NFATC3: variants seen among roughly 807,000 people sequenced by gnomAD.
NFATC3 encodes the protein nuclear factor of activated T-cells, cytoplasmic 3.
NFATC3 carries 46 observed loss-of-function variants against 98.6 expected under a neutral mutation model. That is an observed-to-expected ratio of 0.47 (90% CI 0.37 to 0.60). NFATC3 has a LOEUF of 0.60. Ranked by LOEUF, NFATC3 falls within the 20% of genes least tolerant of loss-of-function variation. The probability of loss-of-function intolerance (pLI) is 0.00; values close to 1 mark genes in which losing one functional copy is unlikely to be tolerated. For missense variants in NFATC3, 1,256 were observed against 1,295.5 expected (o/e 0.97, Z 0.47); for synonymous variants, 512 against 472.2 (o/e 1.08, Z -1.09).
At chr16:68,191,980 G>A (rs920253053) in intron 9 of NFATC3, 12 of 545,156 alleles carry the variant, frequency 2.2e-5, no homozygotes, top group African/African-American at 9.5e-5. Context: ...AGGCTGAGGC[G>A]GGTGGATCAC....
intron 3 of NFATC3, chr16:68,138,606 C>G: frequency 7.8e-7 from 1 of 1,289,194 alleles, no homozygotes; most frequent in South Asian, 1.2e-5. Flanking sequence ...ACTCAAGATA[C>G]TTAACTACAT....
chr16:68,188,353 G>C (rs2040300933), intron 8 of NFATC3, among the ~76,000 whole-genome samples: 1 of 152,166 alleles, frequency 6.6e-6, no homozygotes, highest in South Asian at 2.1e-4. Flanking sequence ...CCCCCGCCAA[G>C]AGCGCAGGGA....
intron 4 of NFATC3, among the ~76,000 whole-genome samples, chr16:68,159,695 T>C (rs2038799703): frequency 6.6e-6 from 1 of 151,064 alleles, no homozygotes; most frequent in African/African-American, 2.4e-5. Context: ...AGTGCTGGGA[T>C]TACAGGCGTG....
rs772270738 is a variant in NFATC3 at position 68,221,274 on chromosome 16, G to A, written c.3107-5076G>A. The A allele has an allele frequency of 3.1e-6, 5 of 1,613,930 alleles. No homozygotes were observed. In the Admixed American group the frequency reaches 6.7e-5, roughly 22 times the overall value. ...CCAGTCCCAGCAGGAAGATATCTGA[G>A]GAATCTAGAGGTGAGAGCCTGAACC... On this transcript the variant is annotated intron_variant, in intron 9 of 9. Transcript: ENST00000346183.
intron 9 of NFATC3, chr16:68,201,118 G>C: frequency 6.6e-6 from 1 of 152,202 alleles, no homozygotes; most frequent in Non-Finnish European, 1.5e-5. Flanking sequence ...TTTTAGTAGA[G>C]ACAGGGTTTA....
chr16:68,205,458 TC>T (rs1156303738), intron 9 of NFATC3, among the ~76,000 whole-genome samples: 1 of 152,070 alleles, frequency 6.6e-6, no homozygotes, highest in Non-Finnish European at 1.5e-5. Context: ...ACTACGTTGC[TC>T]AGGTTGGTCT....
intron 3 of NFATC3, chr16:68,138,857 G>A (rs1252841049): frequency 1.8e-6 from 2 of 1,092,704 alleles, no homozygotes; most frequent in African/African-American, 1.7e-5. Flanking sequence ...TCACTAATAC[G>A]GGCTCTAGAG....
chr16:68,226,916 AAAAAAAAGAAAAAAAAAGAAAAG>A lies in NFATC3; in HGVS notation c.*459_*481del, dbSNP rs2042049697. On this transcript the variant is annotated 3_prime_UTR_variant, in exon 10 of 10. Coordinates refer to ENST00000346183, the MANE Select transcript of NFATC3 (RefSeq NM_173165.3). The stretch of plus-strand genomic sequence containing the variant: ...TAGAAGCAAAAAAAAAAAAAAAAAA[AAAAAAAAGAAAAAAAAAGAAAAG>A]AAAAAAAGAAAAAGAAAAAAATATC... 8.5e-6 allele frequency: 1 copy of A among 117,608 alleles called. No homozygotes were observed. The highest frequency in any genetic ancestry group is 2.1e-5 in the Non-Finnish European group (1 of 48,604). 7.3% of individuals were successfully genotyped at this position (117,608 alleles called of 1,614,324 possible).
intron 3 of NFATC3, among the ~76,000 whole-genome samples, chr16:68,147,327 A>G (rs146894512): frequency 0.011 from 1,704 of 152,310 alleles, 10 homozygotes; most frequent in Middle Eastern, 0.024. Flanking sequence ...TTGACGAGCT[A>G]CTTTAATGCC....
At chr16:68,090,295 ACC>A (rs11351556) in intron 1 of NFATC3, among the ~76,000 whole-genome samples, 2,848 of 110,914 alleles carry the variant, frequency 0.026, 108 homozygotes, top group African/African-American at 0.082. Context: ...TAAACACGCA[ACC>A]CCCCCCCCCC....
chr16:68,138,255 G>A (rs191217489), intron 3 of NFATC3, among the ~76,000 whole-genome samples: 14 of 150,658 alleles, frequency 9.3e-5, no homozygotes, highest in Non-Finnish European at 1.6e-4. Context: ...GGCCAGGCTA[G>A]TCTCGAACTC....
chr16:68,131,880 G>C (rs557543816), intron 3 of NFATC3, among the ~76,000 whole-genome samples: 2 of 152,166 alleles, frequency 1.3e-5, no homozygotes, highest in South Asian at 4.2e-4. Context: ...CCTCAGAATA[G>C]TGGAGAAATC....
intron 9 of NFATC3, among the ~76,000 whole-genome samples, chr16:68,211,510 TTTGTTGTTGTTG>T (rs200230482): frequency 4.1e-4 from 59 of 145,070 alleles, no homozygotes; most frequent in Admixed American, 3.3e-3. Context: ...GTAAATGTTT[TTTGTTGTTGTTG>T]TTGTTGTTGT....
chr16:68,104,840 G>C (rs2035567342), intron 1 of NFATC3, among the ~76,000 whole-genome samples: 1 of 151,694 alleles, frequency 6.6e-6, no homozygotes, highest in Non-Finnish European at 1.5e-5. Context: ...ATTTTTAGTA[G>C]AGACAGGGCT....
chr16:68,129,776 C>T (rs1341324222), intron 3 of NFATC3, among the ~76,000 whole-genome samples: 1 of 149,992 alleles, frequency 6.7e-6, no homozygotes, highest in Non-Finnish European at 1.5e-5. Flanking sequence ...CTCCTAGGAT[C>T]AGGGCATTCT....
At chr16:68,112,420 G>A (rs981408080) in intron 1 of NFATC3, among the ~76,000 whole-genome samples, 2 of 150,956 alleles carry the variant, frequency 1.3e-5, no homozygotes, top group Non-Finnish European at 2.9e-5. Flanking sequence ...TGGGACTACA[G>A]GCACACACCA....
intron 3 of NFATC3, among the ~76,000 whole-genome samples, chr16:68,139,461 T>A (rs929985964): frequency 2.6e-5 from 4 of 152,202 alleles, no homozygotes; most frequent in Non-Finnish European, 4.4e-5. Context: ...AAGCTAGGTT[T>A]GTTACTGACA....
intron 4 of NFATC3, among the ~76,000 whole-genome samples, chr16:68,162,065 C>A (rs2038918755): frequency 6.6e-6 from 1 of 152,194 alleles, no homozygotes; most frequent in South Asian, 2.1e-4. Context: ...ACCACTATGA[C>A]TAGTAACATA....
intron 3 of NFATC3, among the ~76,000 whole-genome samples, chr16:68,148,651 ATC>A (rs962424339): frequency 3.3e-5 from 5 of 152,198 alleles, no homozygotes; most frequent in African/African-American, 1.2e-4. Context: ...CGTACTGGAT[ATC>A]TCTGAAAGTG....
Sources: gnomAD v4.1 joint callset for allele counts (sites outside exome capture counted in the v4.1 genomes callset) on GRCh38, gnomAD v4.1.1 for gene constraint, MANE v1.5 for transcripts, NCBI Gene and HGNC (gene_info 2026-07-23, HGNC 2026-07-21) for gene names.